Variants in ZDHHC20 observed in about 807,000 individuals in gnomAD.
The protein encoded by ZDHHC20 is zDHHC palmitoyltransferase 20.
ZDHHC20 carries 43 observed loss-of-function variants against 57.8 expected under a neutral mutation model. That is an observed-to-expected ratio of 0.74 (90% CI 0.58 to 0.96). The LOEUF (loss-of-function observed/expected upper bound fraction) is 0.96. ZDHHC20 is among the 40% of genes least tolerant of loss of function. The probability of loss-of-function intolerance (pLI) is 0.00; values close to 1 mark genes in which losing one functional copy is unlikely to be tolerated. For synonymous variants in ZDHHC20, 157 were observed against 153.0 expected (o/e 1.03, Z -0.19); for missense variants, 391 against 441.1 (o/e 0.89, Z 1.02).
At chr13:21,433,307 T>C (rs993794988) in intron 1 of ZDHHC20, among the ~76,000 whole-genome samples, 6 of 152,074 alleles carry the variant, frequency 3.9e-5, no homozygotes, top group East Asian at 1.9e-4. Context: ...ACTCATCTTA[T>C]TGATTTCCTT....
chr13:21,459,045 G>A lies in ZDHHC20; in HGVS notation c.118+9C>T, dbSNP rs1426424865. Reference sequence around the variant, plus strand: ...GCGCCCCGCCGCAGTCCCCGGGGACGGTACTCACACACGCAGAGCTCCACC... The same window carrying A: ...GCGCCCCGCCGCAGTCCCCGGGGACAGTACTCACACACGCAGAGCTCCACC... On this transcript the variant is annotated intron_variant, in intron 1 of 12. Transcript: ENST00000400590. The A allele has an allele frequency of 5.1e-6, 8 of 1,582,592 alleles. No individual in the cohort carries two copies. Among genetic ancestry groups the A allele is most frequent in the Non-Finnish European group, 6.9e-6 (8 of 1,164,946 alleles).
chr13:21,416,909 T>A (rs1355564057), intron 3 of ZDHHC20, among the ~76,000 whole-genome samples: 1 of 152,224 alleles, frequency 6.6e-6, no homozygotes. Flanking sequence ...CAAACGAACA[T>A]GACCTTTATC....
chr13:21,443,321 T>C (rs773297299), intron 1 of ZDHHC20, among the ~76,000 whole-genome samples: 10 of 152,202 alleles, frequency 6.6e-5, no homozygotes, highest in Non-Finnish European at 1.2e-4. Flanking sequence ...ATCCACCAGA[T>C]TACAGACCTG....
chr13:21,400,018 T>C (rs1020724641), intron 7 of ZDHHC20, among the ~76,000 whole-genome samples: 1 of 151,532 alleles, frequency 6.6e-6, no homozygotes, highest in Non-Finnish European at 1.5e-5. Flanking sequence ...AGGCAACCAC[T>C]AAACTGCTTC....
At chr13:21,410,745 C>T (rs1469666820) in intron 4 of ZDHHC20, among the ~76,000 whole-genome samples, 1 of 152,220 alleles carries the variant, frequency 6.6e-6, no homozygotes, top group Non-Finnish European at 1.5e-5. Context: ...CAACTTCAGA[C>T]TGCTGTGCTG....
At chr13:21,437,020 G>A (rs569937601) in intron 1 of ZDHHC20, among the ~76,000 whole-genome samples, 1 of 152,292 alleles carries the variant, frequency 6.6e-6, no homozygotes, top group Admixed American at 6.5e-5. Context: ...CCAGTGAATA[G>A]ATGAATAAGA....
intron 4 of ZDHHC20, 114 bp from the exon 5 acceptor site, chr13:21,402,980 T>G (rs1877920737): frequency 1.4e-6 from 1 of 731,956 alleles, no homozygotes; most frequent in African/African-American, 1.8e-5. Flanking sequence ...ACTAATAATT[T>G]TAAAACAATA....
At chr13:21,432,675 G>A (rs961062839) in intron 1 of ZDHHC20, among the ~76,000 whole-genome samples, 6 of 152,052 alleles carry the variant, frequency 3.9e-5, no homozygotes, top group African/African-American at 1.4e-4. Context: ...CACCATGTTG[G>A]CCAGGCTTGT....
chr13:21,389,544 T>C (rs577452818), intron 8 of ZDHHC20, among the ~76,000 whole-genome samples: 1 of 152,348 alleles, frequency 6.6e-6, no homozygotes, highest in South Asian at 2.1e-4. Context: ...TGATATGAAA[T>C]GCTGCATTTC....
chr13:21,413,516 G>C, intron 4 of ZDHHC20, 136 bp downstream of exon 4: 2 of 679,928 alleles, frequency 2.9e-6, no homozygotes, highest in Non-Finnish European at 4.3e-6. Context: ...AAGGAAACAG[G>C]AAAGTCTTGT....
chr13:21,374,371 T>A lies in ZDHHC20; in HGVS notation c.*2325A>T. On this transcript the variant is annotated 3_prime_UTR_variant, in exon 13 of 13. Coordinates refer to ENST00000400590, the MANE Select transcript of ZDHHC20 (RefSeq NM_001330059.2). ...TCCCGAGTAGTTGGGACTACAGGCGTGTGCCACCATGCCTGGACAGTTTTG... is the reference window on the plus strand; with the variant it reads ...TCCCGAGTAGTTGGGACTACAGGCGAGTGCCACCATGCCTGGACAGTTTTG... 1 of 455,196 alleles carries A rather than the reference T, an allele frequency of 2.2e-6. No homozygotes were observed. Among genetic ancestry groups the A allele is most frequent in the South Asian group, 1.6e-5 (1 of 64,444 alleles). 28.2% of individuals were successfully genotyped at this position (455,196 alleles called of 1,614,324 possible). A position where few individuals can be genotyped will look rare whatever the true frequency, so the allele number is the denominator to read the frequency against.
intron 6 of ZDHHC20, 83 bp from the exon 7 acceptor site, chr13:21,400,576 G>C: frequency 7.0e-7 from 1 of 1,424,880 alleles, no homozygotes; most frequent in Non-Finnish European, 9.4e-7. Flanking sequence ...GAGGCTGCCA[G>C]GGGCTGGTGT....
chr13:21,428,904 A>C (rs1218642281), intron 1 of ZDHHC20, among the ~76,000 whole-genome samples: 1 of 152,104 alleles, frequency 6.6e-6, no homozygotes, highest in Non-Finnish European at 1.5e-5. Flanking sequence ...ACAACAACAA[A>C]AAAACCCAAC....
intron 3 of ZDHHC20, among the ~76,000 whole-genome samples, chr13:21,420,097 A>C (rs193060952): frequency 1.3e-5 from 2 of 152,058 alleles, no homozygotes; most frequent in Non-Finnish European, 2.9e-5. Context: ...GACCAGCCTG[A>C]CCAACATGGG....
intron 3 of ZDHHC20, among the ~76,000 whole-genome samples, chr13:21,419,516 T>C (rs1266909275): frequency 6.6e-6 from 1 of 152,202 alleles, no homozygotes; most frequent in Non-Finnish European, 1.5e-5. Flanking sequence ...AACTGAATAC[T>C]AAACAATAAT....
At chr13:21,397,321 C>T (rs1349871478) in intron 7 of ZDHHC20, among the ~76,000 whole-genome samples, 1 of 147,492 alleles carries the variant, frequency 6.8e-6, no homozygotes, top group Non-Finnish European at 1.5e-5. Flanking sequence ...AGCTAAACTG[C>T]ATCTCAAAAA....
intron 1 of ZDHHC20, among the ~76,000 whole-genome samples, chr13:21,428,562 C>T (rs1245674589): frequency 6.6e-6 from 1 of 151,668 alleles, no homozygotes; most frequent in Non-Finnish European, 1.5e-5. Context: ...CAAAACCAAG[C>T]TTATAAAAAC....
chr13:21,444,962 G>A (rs1390884628), intron 1 of ZDHHC20, among the ~76,000 whole-genome samples: 2 of 152,048 alleles, frequency 1.3e-5, no homozygotes, highest in Admixed American at 6.5e-5. Context: ...AGGCTAAGGT[G>A]GAAGGATTGC....
chr13:21,397,443 T>C (rs1876973720), intron 7 of ZDHHC20, among the ~76,000 whole-genome samples: 3 of 151,800 alleles, frequency 2.0e-5, no homozygotes, highest in African/African-American at 7.3e-5. Flanking sequence ...GGGAGGACTG[T>C]TTGAGATCAG....
Sources: allele counts gnomAD v4.1 joint callset (sites outside exome capture counted in the v4.1 genomes callset), GRCh38; gene constraint gnomAD v4.1.1; transcripts MANE v1.5; gene names NCBI Gene and HGNC (gene_info 2026-07-23, HGNC 2026-07-21).